The following UNC13A variants were observed in gnomAD, a reference collection of about 807,000 sequenced individuals.
The protein encoded by UNC13A is unc-13 homolog A.
Under a neutral mutation model 219.7 loss-of-function variants are expected in UNC13A, and 61 were observed. That is an observed-to-expected ratio of 0.28 (90% CI 0.23 to 0.34). The LOEUF is 0.34. Ranked by LOEUF, UNC13A falls within the 10% of genes least tolerant of loss-of-function variation. The probability of loss-of-function intolerance (pLI) is 1.00; values close to 1 mark genes in which losing one functional copy is unlikely to be tolerated. For missense variants in UNC13A, 1,476 were observed against 2,270.3 expected, an observed-to-expected ratio of 0.65 and a Z score of 7.11; for synonymous variants, 920 against 884.6, an observed-to-expected ratio of 1.04 and a Z score of -0.71.
chr19:17,669,143 C>T (rs2079726906), intron 5 of UNC13A, among the ~76,000 whole-genome samples: 1 of 152,124 alleles, frequency 6.6e-6, no homozygotes, highest in Admixed American at 6.6e-5. Flanking sequence ...AAGGTGCTTC[C>T]AGGAAAGGAA....
intron 42 of UNC13A, among the ~76,000 whole-genome samples, chr19:17,610,711 C>T (rs1021715083): frequency 6.6e-6 from 1 of 152,106 alleles, no homozygotes; most frequent in African/African-American, 2.4e-5. Flanking sequence ...GGGCTGAGCT[C>T]TTTGTGACCC....
Position 17,618,489 on chromosome 19 carries a change from G to A in UNC13A, c.4342C>T (p.Arg1448Ter), listed in dbSNP as rs1398817131. ...QLSKLKDHMV[R>*]EEAKSLTPKQ... ...GGGGTCAAGCTCTTGGCTTCTTCTC[G>A]TACCATGTGATCCTGGATGGATGGG... is the stretch of plus-strand genomic sequence containing the variant. Residue 1448 changes from arginine (R) to a stop codon, truncating the protein, a stop_gained, in exon 40 of 44, where the codon CGA becomes TGA. Transcript: ENST00000519716. LOFTEE classifies it high-confidence loss of function. The A allele has an allele frequency of 2.5e-6, 4 of 1,591,050 alleles. No individual in the cohort carries two copies. Among genetic ancestry groups the A allele is most frequent in the Non-Finnish European group, 3.4e-6 (4 of 1,168,618 alleles).
chr19:17,629,867 C>T (rs2076822974), intron 30 of UNC13A, among the ~76,000 whole-genome samples: 1 of 151,946 alleles, frequency 6.6e-6, no homozygotes, highest in Non-Finnish European at 1.5e-5. Flanking sequence ...CAACCTTACC[C>T]TACACCTCAA....
rs1366308834 is a variant in UNC13A at position 17,649,698 on chromosome 19, C to T, written c.1440-111G>A. The T allele has an allele frequency of 3.8e-5, 46 of 1,198,976 alleles. No individual in the cohort carries two copies. Among genetic ancestry groups the T allele is most frequent in the Non-Finnish European group, 6.1e-6 (5 of 824,794 alleles). 74.3% of individuals were successfully genotyped at this position (1,198,976 alleles called of 1,614,324 possible). A position where few individuals can be genotyped will look rare whatever the true frequency, so the allele number is the denominator to read the frequency against. ...TGTTAAGGGGTTGAATTGGGTCCCT[C>T]AAAAAAAAGATACGCTGATGCCCTA... On this transcript the variant is annotated intron_variant, in intron 12 of 43. Coordinates refer to ENST00000519716, the MANE Select transcript of UNC13A (RefSeq NM_001080421.3). The surrounding 1 kb of genome is among the most constrained non-coding windows in gnomAD (Gnocchi z 4.4).
At chr19:17,657,867 TAA>T (rs971430450) in intron 9 of UNC13A, among the ~76,000 whole-genome samples, 193 bp downstream of exon 9, 1 of 121,578 alleles carries the variant, frequency 8.2e-6, no homozygotes, top group Non-Finnish European at 1.7e-5. Context: ...AGACTCTGTC[TAA>T]AAAAAAAAGA....
At chr19:17,661,613 G>A (rs1280602951) in intron 8 of UNC13A, among the ~76,000 whole-genome samples, 2 of 152,078 alleles carry the variant, frequency 1.3e-5, no homozygotes, top group African/African-American at 4.8e-5. Flanking sequence ...AGAACTGCTT[G>A]AACCCGGGAG....
In UNC13A at chr19:17,649,810, G is replaced by A. The variant is rs1472522012; in HGVS notation, c.1440-223C>T. On this transcript the variant is annotated intron_variant, in intron 12 of 43. Transcript: ENST00000519716. This position sits in a 1 kb window ranked among gnomAD's most constrained non-coding sequence, Gnocchi z 4.4. The stretch of plus-strand genomic sequence containing the variant: ...TAAGATAAGGTCATACTGGAGTAGG[G>A]TAGACACTTAATCTAATATGACTGG... Among the ~76,000 whole-genome samples, 1 of 152,174 alleles carries A rather than the reference G, an allele frequency of 6.6e-6. No individual in the cohort carries two copies. The highest frequency in any genetic ancestry group is 1.5e-5 in the Non-Finnish European group (1 of 68,026).
chr19:17,620,658 T>C, intron 38 of UNC13A, 35 bp downstream of exon 38: 1 of 1,603,232 alleles, frequency 6.2e-7, no homozygotes, highest in Non-Finnish European at 8.5e-7. Flanking sequence ...GGGAGTGGGA[T>C]GGGAGCCAGA....
rs2076803581 is a variant in UNC13A at position 17,628,176 on chromosome 19, C to T, written c.3754-236G>A. ...AGGAGGACTCAAGTAATCCCACGAC[C>T]CCAGGCCTGGTGGGGGGTCCATGAG... On this transcript the variant is annotated intron_variant, in intron 31 of 43. Transcript: ENST00000519716. The T allele has an allele frequency of 7.2e-6, 4 of 559,190 alleles. No individual in the cohort carries two copies. In the East Asian group the frequency reaches 1.2e-4, roughly 17 times the overall value. The allele number at this position is 559,190 out of a possible 1,614,324, so 34.6% of individuals were successfully genotyped here.
chr19:17,664,041 A>T (rs1009884524), intron 7 of UNC13A, among the ~76,000 whole-genome samples: 8 of 151,496 alleles, frequency 5.3e-5, no homozygotes, highest in African/African-American at 2.0e-4. Context: ...CTGGTCTCAA[A>T]CACGTGGTCT....
At chr19:17,659,422 G>A (rs2079514302) in intron 8 of UNC13A, among the ~76,000 whole-genome samples, 1 of 151,722 alleles carries the variant, frequency 6.6e-6, no homozygotes, top group South Asian at 2.1e-4. Flanking sequence ...CAGGGGCTGG[G>A]TGACACAAGA....
At position 17,620,685 on chromosome 19, in the gene UNC13A, G is replaced by A. The variant is rs375330473; in HGVS notation, c.4272+8C>T. The A allele has an allele frequency of 1.5e-4, 245 of 1,612,818 alleles. 1 individual carries two copies. The highest frequency in any genetic ancestry group is 1.1e-3 in the African/African-American group (81 of 74,996). The stretch of plus-strand genomic sequence containing the variant: ...GGAGCCAGACAGACAGTGAGAGGCC[G>A]GTCTTACGTCTGAGTGGCTTGGCAA... On this transcript the variant is annotated splice_region_variant and intron_variant, in intron 38 of 43. Transcript: ENST00000519716.
At position 17,603,869 on chromosome 19, in the gene UNC13A, T is replaced by C. The variant is rs973016433; in HGVS notation, c.*2185A>G. On this transcript the variant is annotated 3_prime_UTR_variant, in exon 44 of 44. Coordinates refer to ENST00000519716, the MANE Select transcript of UNC13A (RefSeq NM_001080421.3). ...TTCTGTTGCCCAGGCTGGAGTGCAG[T>C]TGTGTGATCACGACTCACTACAACC... The C allele has an allele frequency of 6.6e-5, 10 of 151,410 alleles. No individual in the cohort carries two copies. Among genetic ancestry groups the C allele is most frequent in the Admixed American group, 2.6e-4 (4 of 15,170 alleles). The allele number at this position is 151,410 out of a possible 1,614,324, so 9.4% of individuals were successfully genotyped here. A position where few individuals can be genotyped will look rare whatever the true frequency, so the allele number is the denominator to read the frequency against.
At chr19:17,656,534 C>T in intron 9 of UNC13A, 136 bp from the exon 10 acceptor site, 3 of 966,412 alleles carry the variant, frequency 3.1e-6, no homozygotes, top group Non-Finnish European at 4.4e-6. Flanking sequence ...CTGGAAAACA[C>T]AGCCATGATC....
In UNC13A at chr19:17,605,352, G is replaced by A. The variant is rs1235085022; in HGVS notation, c.*702C>T. The A allele has an allele frequency of 1.3e-5, 2 of 152,752 alleles. No individual in the cohort carries two copies. Among genetic ancestry groups the A allele is most frequent in the African/African-American group, 4.8e-5 (2 of 41,458 alleles). The allele number at this position is 152,752 out of a possible 1,614,324, so 9.5% of individuals were successfully genotyped here. On this transcript the variant is annotated 3_prime_UTR_variant, in exon 44 of 44. Transcript: ENST00000519716. ...GATATGAGGACTGGGTTTGTTGGGG[G>A]AGAGGGAGAGGCAAACTCCCAAAGG... is the stretch of plus-strand genomic sequence containing the variant.
At position 17,624,856 on chromosome 19, in the gene UNC13A, G is replaced by A. The variant is rs1489205430; in HGVS notation, c.4170C>T (p.Ile1390=). 29 of 1,613,684 alleles carry A rather than the reference G, an allele frequency of 1.8e-5. No individual in the cohort carries two copies. The East Asian group carries it at 4.0e-4, about 22-fold the overall frequency. ...TCTGGTCAGTGAGGGGCGGCAGGAC[G>A]ATGGTTTTCTCCATGGTGTTCATAA... The part of the protein sequence containing the change: ...KLVMNTMEKT[I]VLPPLTDQTM... The change falls in exon 35 of 44, where the codon ATC becomes ATT. Residue 1390 remains isoleucine, a synonymous_variant. Transcript: ENST00000519716.
chr19:17,623,384 C>G, intron 36 of UNC13A, 158 bp downstream of exon 36: 1 of 584,226 alleles, frequency 1.7e-6, no homozygotes, highest in South Asian at 2.2e-5. Context: ...CTCCCCATGC[C>G]CCGCCCCAGA....
chr19:17,649,587 G>A lies in UNC13A; in HGVS notation c.1440C>T (p.Gly480=), dbSNP rs769953092. ...CGATGATGATGAGACCGCCCCCTGG[G>A]CTGAAAGACACAGAGGGACACTGAG... is the stretch of plus-strand genomic sequence containing the variant. ...EMSKSLWFKG[G]PGGGLIIIDS... is the part of the protein sequence containing the mutation. The change falls in exon 13 of 44, where the codon GGC becomes GGT. Residue 480 remains glycine, a splice_region_variant and synonymous_variant. Coordinates refer to ENST00000519716, the MANE Select transcript of UNC13A (RefSeq NM_001080421.3). This position sits in a 1 kb window ranked among gnomAD's most constrained non-coding sequence, Gnocchi z 4.4. 3 of 1,613,864 alleles carry A rather than the reference G, an allele frequency of 1.9e-6. No homozygotes were observed. Among genetic ancestry groups the A allele is most frequent in the East Asian group, 2.2e-5 (1 of 44,874 alleles).
intron 1 of UNC13A, among the ~76,000 whole-genome samples, chr19:17,681,702 C>T (rs1426857730): frequency 1.3e-5 from 2 of 152,172 alleles, no homozygotes; most frequent in Admixed American, 6.5e-5. Context: ...GTCACCTCCT[C>T]CATTAATCCT....
Sources: allele counts gnomAD v4.1 joint callset (sites outside exome capture counted in the v4.1 genomes callset), GRCh38; gene constraint gnomAD v4.1.1; non-coding constraint Gnocchi (gnomAD v3.1); transcripts MANE v1.5; gene names NCBI Gene and HGNC (gene_info 2026-07-23, HGNC 2026-07-21).